Variants in ADGRB3 observed in about 807,000 individuals in gnomAD.
ADGRB3 encodes brain-specific angiogenesis inhibitor 3.
In ADGRB3, 37 loss-of-function variants were observed where a neutral mutation model predicts 193.4. The ratio of observed to expected loss-of-function variants is 0.19; its 90% CI spans 0.15 to 0.25. The LOEUF (loss-of-function observed/expected upper bound fraction) is 0.25, where lower values mean the gene tolerates loss of function less well. Among genes scored for constraint, ADGRB3 ranks in the 10% least tolerant of loss-of-function variants. The probability of loss-of-function intolerance (pLI) is 1.00; values close to 1 mark genes in which losing one functional copy is unlikely to be tolerated. For synonymous variants in ADGRB3, 690 were observed against 644.2 expected (o/e 1.07, Z -1.08); for missense variants, 1,637 against 1,852.9 (o/e 0.88, Z 2.14).
intron 20 of ADGRB3, among the ~76,000 whole-genome samples, chr6:69,281,166 A>G (rs1300089803): frequency 6.6e-6 from 1 of 152,294 alleles, no homozygotes; most frequent in East Asian, 1.9e-4. Context: ...ATGTTTTCTG[A>G]TTCAGGTCTT....
intron 29 of ADGRB3, among the ~76,000 whole-genome samples, chr6:69,371,107 T>C (rs1266951081): frequency 6.6e-6 from 1 of 152,136 alleles, no homozygotes; most frequent in Non-Finnish European, 1.5e-5. Flanking sequence ...TTGATTGTAC[T>C]TGAAGACTGC....
rs543706812 is a variant in ADGRB3, at chr6:69,121,877, G to C, written c.2480+45839G>C. Reference sequence around the variant, plus strand: ...CAGATGGGGTGGCGGCCAGGCAGAGGCGCTCCTCACTTCCCAGACAGGGCG... The same window carrying C: ...CAGATGGGGTGGCGGCCAGGCAGAGCCGCTCCTCACTTCCCAGACAGGGCG... On this transcript the variant is annotated intron_variant, in intron 17 of 31. Coordinates refer to ENST00000370598, the MANE Select transcript of ADGRB3 (RefSeq NM_001704.3). Among the ~76,000 whole-genome samples, 12 of 148,850 alleles carry C rather than the reference G, an allele frequency of 8.1e-5. No homozygotes were observed. The South Asian group carries it at 2.6e-3, about 32-fold the overall frequency.
At chr6:69,193,708 A>C (rs920644086) in intron 17 of ADGRB3, among the ~76,000 whole-genome samples, 4 of 151,672 alleles carry the variant, frequency 2.6e-5, no homozygotes, top group African/African-American at 9.7e-5. Flanking sequence ...AACCCTTTGA[A>C]TCTCAATTTT....
At chr6:69,117,503 A>C (rs768566645) in intron 17 of ADGRB3, among the ~76,000 whole-genome samples, 6 of 152,202 alleles carry the variant, frequency 3.9e-5, no homozygotes, top group African/African-American at 1.4e-4. Context: ...ATTCTAAATC[A>C]CTATCCTCTA....
intron 3 of ADGRB3, among the ~76,000 whole-genome samples, chr6:68,805,790 A>G (rs2127373162): frequency 6.6e-6 from 1 of 152,326 alleles, no homozygotes; most frequent in Admixed American, 6.5e-5. Flanking sequence ...TAGTATTTAT[A>G]TGTCACACTT....
At chr6:68,962,628 A>G (rs1426563081) in intron 8 of ADGRB3, among the ~76,000 whole-genome samples, 1 of 152,134 alleles carries the variant, frequency 6.6e-6, no homozygotes, top group Non-Finnish European at 1.5e-5. Context: ...ACCACCTTTT[A>G]CTATTTTTTT....
chr6:68,888,178 A>C (rs1765965791), intron 3 of ADGRB3, among the ~76,000 whole-genome samples: 1 of 152,172 alleles, frequency 6.6e-6, no homozygotes. Context: ...ATCAAGTTAG[A>C]GTCCTCAAGA....
At chr6:68,736,425 T>C (rs1258409041) in intron 3 of ADGRB3, among the ~76,000 whole-genome samples, 1 of 152,190 alleles carries the variant, frequency 6.6e-6, no homozygotes, top group Non-Finnish European at 1.5e-5. Context: ...CTGCAATTGC[T>C]GATGTCAGTT....
At chr6:69,088,959 ATAGT>A (rs1227394494) in intron 17 of ADGRB3, among the ~76,000 whole-genome samples, 1 of 152,242 alleles carries the variant, frequency 6.6e-6, no homozygotes, top group Non-Finnish European at 1.5e-5. Flanking sequence ...TAAATCAGCC[ATAGT>A]TAGTGAAAGA....
chr6:68,654,734 T>C (rs1768451938), intron 3 of ADGRB3, among the ~76,000 whole-genome samples: 1 of 151,922 alleles, frequency 6.6e-6, no homozygotes. Context: ...ACTAAATATT[T>C]ACTAAATATA....
chr6:69,100,301 A>G (rs1013120725), intron 17 of ADGRB3, among the ~76,000 whole-genome samples: 4 of 152,054 alleles, frequency 2.6e-5, no homozygotes, highest in African/African-American at 4.8e-5. Context: ...TCCCCTTTAC[A>G]TTTTGTGAAA....
At chr6:69,111,576 C>A (rs930941930) in intron 17 of ADGRB3, among the ~76,000 whole-genome samples, 1 of 152,168 alleles carries the variant, frequency 6.6e-6, no homozygotes, top group Non-Finnish European at 1.5e-5. Context: ...ATTTCTGACT[C>A]AAGTCACTCC....
chr6:69,009,732 C>T lies in ADGRB3; in HGVS notation c.1930-4306C>T, dbSNP rs914273045. The stretch of plus-strand genomic sequence containing the variant: ...TCAGAGTCACTGTAATTCTTTTAAA[C>T]CTTCAGATCTACCTTACTAAATCTG... On this transcript the variant is annotated intron_variant, in intron 11 of 31. Coordinates refer to ENST00000370598, the MANE Select transcript of ADGRB3 (RefSeq NM_001704.3). Among the ~76,000 whole-genome samples, 10 of 152,170 alleles carry T rather than the reference C, an allele frequency of 6.6e-5. No individual in the cohort carries two copies. The East Asian group carries it at 1.9e-3, about 30-fold the overall frequency.
chr6:69,290,589 C>T (rs559556103), intron 20 of ADGRB3, among the ~76,000 whole-genome samples: 1 of 152,248 alleles, frequency 6.6e-6, no homozygotes, highest in South Asian at 2.1e-4. Context: ...TATGACTAAG[C>T]CTCCTTGAAT....
In ADGRB3 at chr6:68,649,687, G is replaced by A. The variant is rs1768302597; in HGVS notation, c.757+10255G>A. ...TTTTTACTTTATTATCATTGTCTGG[G>A]GAAATCTATGTTTTGGAGAAATAAT... is the stretch of plus-strand genomic sequence containing the variant. On this transcript the variant is annotated intron_variant, in intron 3 of 31. Transcript: ENST00000370598. Among the ~76,000 whole-genome samples the A allele has an allele frequency of 2.0e-5, 3 of 152,110 alleles. No homozygotes were observed. The South Asian group carries it at 6.2e-4, about 32-fold the overall frequency.
At chr6:68,644,205 C>T (rs541227926) in intron 3 of ADGRB3, among the ~76,000 whole-genome samples, 10 of 151,910 alleles carry the variant, frequency 6.6e-5, no homozygotes, top group African/African-American at 2.4e-4. Context: ...TTTACTTACA[C>T]CTTTATTAGG....
chr6:69,042,045 G>T lies in ADGRB3; in HGVS notation c.2108-6140G>T, dbSNP rs545346816. Among the ~76,000 whole-genome samples, 4 of 152,178 alleles carry T rather than the reference G, an allele frequency of 2.6e-5. No individual in the cohort carries two copies. In the South Asian group the frequency reaches 8.3e-4, roughly 32 times the overall value. ...GAGTGGTTCACCCCATCTTGTTCTCGTGATAATTAATTGGTTCTCATGAGA... is the reference window on the plus strand; with the variant it reads ...GAGTGGTTCACCCCATCTTGTTCTCTTGATAATTAATTGGTTCTCATGAGA... On this transcript the variant is annotated intron_variant, in intron 13 of 31. Coordinates refer to ENST00000370598, the MANE Select transcript of ADGRB3 (RefSeq NM_001704.3).
chr6:69,118,603 T>A (rs539485126), intron 17 of ADGRB3, among the ~76,000 whole-genome samples: 1 of 151,814 alleles, frequency 6.6e-6, no homozygotes, highest in Non-Finnish European at 1.5e-5. Context: ...CTGGGACATA[T>A]CACATTTTAT....
At chr6:69,318,042 C>A (rs1200311268) in intron 20 of ADGRB3, among the ~76,000 whole-genome samples, 2 of 151,396 alleles carry the variant, frequency 1.3e-5, no homozygotes, top group Non-Finnish European at 3.0e-5. Flanking sequence ...GATATATTAT[C>A]TGCAATGACA....
Sources: gnomAD v4.1 joint callset for allele counts (sites outside exome capture counted in the v4.1 genomes callset) on GRCh38, gnomAD v4.1.1 for gene constraint, MANE v1.5 for transcripts, NCBI Gene and HGNC (gene_info 2026-07-23, HGNC 2026-07-21) for gene names.